FAM193A: variants seen among roughly 807,000 people sequenced by gnomAD.
The protein encoded by FAM193A is family with sequence similarity 193 member A.
FAM193A carries 22 observed loss-of-function variants against 126.5 expected under a neutral mutation model. The ratio of observed to expected loss-of-function variants is 0.17; its 90% CI spans 0.12 to 0.25. The LOEUF (loss-of-function observed/expected upper bound fraction) is 0.25, where lower values mean the gene tolerates loss of function less well. FAM193A is among the 10% of genes least tolerant of loss of function. The pLI, the probability that FAM193A is intolerant of heterozygous loss-of-function variation, is 1.00. For missense variants in FAM193A, 1,675 were observed against 1,672.8 expected (o/e 1.00, Z -0.02); for synonymous variants, 761 against 646.8 (o/e 1.18, Z -2.68).
chr4:2,623,351 T>C (rs1461085051), intron 2 of FAM193A, among the ~76,000 whole-genome samples: 5 of 152,138 alleles, frequency 3.3e-5, no homozygotes, highest in Non-Finnish European at 7.4e-5. Context: ...TGTGCTTTTT[T>C]AGTAGAGACA....
At chr4:2,683,168 CTT>C (rs1560563631) in intron 13 of FAM193A, among the ~76,000 whole-genome samples, 1 of 152,098 alleles carries the variant, frequency 6.6e-6, no homozygotes. Flanking sequence ...TCCCTCTGTC[CTT>C]GCTGGCATGG....
intron 1 of FAM193A, among the ~76,000 whole-genome samples, chr4:2,589,044 G>T (rs1209715703): frequency 2.0e-5 from 3 of 152,178 alleles, no homozygotes; most frequent in East Asian, 3.8e-4. Context: ...ACAGAGCAGG[G>T]ATATGAAACT....
At chr4:2,568,822 C>T (rs549455870) in intron 1 of FAM193A, among the ~76,000 whole-genome samples, 1 of 152,224 alleles carries the variant, frequency 6.6e-6, no homozygotes, top group South Asian at 2.1e-4. Context: ...ACTTCTGATT[C>T]TAGATTATAG....
chr4:2,552,421 G>A (rs1420591657), intron 1 of FAM193A, among the ~76,000 whole-genome samples: 2 of 152,116 alleles, frequency 1.3e-5, no homozygotes, highest in Admixed American at 1.3e-4. Context: ...AAAGTGCTGG[G>A]ATTATAGGCG....
At position 2,700,356 on chromosome 4, in the gene FAM193A, G is replaced by A. The variant is rs1397699672; in HGVS notation, c.4184G>A (p.Ser1395Asn). 2 of 1,613,954 alleles carry A rather than the reference G, an allele frequency of 1.2e-6. No individual in the cohort carries two copies. The highest frequency in any genetic ancestry group is 1.7e-6 in the Non-Finnish European group (2 of 1,180,024). ...EQKREERKVN[S>N]NNNNKKQLNH... ...AAAAGAGAGGAGAGAAAAGTCAACA[G>A]TAATAACAATAACAAAAAGCAGCTG... Residue 1395 changes from serine (S) to asparagine (N), a missense_variant, in exon 19 of 21, where the codon AGT becomes AAT. Coordinates refer to ENST00000637812, the MANE Select transcript of FAM193A (RefSeq NM_001366318.2).
chr4:2,571,587 C>T (rs1020483015), intron 1 of FAM193A, among the ~76,000 whole-genome samples: 2 of 151,834 alleles, frequency 1.3e-5, no homozygotes, highest in Non-Finnish European at 2.9e-5. Context: ...GTCCTCCAGG[C>T]TGGAGTGCAG....
intron 1 of FAM193A, among the ~76,000 whole-genome samples, chr4:2,578,666 A>G (rs1739744790): frequency 1.3e-5 from 2 of 152,304 alleles, no homozygotes; most frequent in South Asian, 4.1e-4. Context: ...CTTAACTACT[A>G]ATAGCCTACT....
chr4:2,625,198 AT>A, intron 2 of FAM193A, 63 bp from the exon 3 acceptor site: 1 of 624,354 alleles, frequency 1.6e-6, no homozygotes, highest in Non-Finnish European at 2.9e-6. Context: ...TGAACAGTTA[AT>A]AAAAAATTGA....
At chr4:2,693,309 C>T (rs1197295688) in intron 15 of FAM193A, among the ~76,000 whole-genome samples, 3 of 151,688 alleles carry the variant, frequency 2.0e-5, no homozygotes, top group Non-Finnish European at 2.9e-5. Flanking sequence ...TGAGCCACCA[C>T]GCCCGGCCAA....
At chr4:2,676,844 G>A (rs1714464475) in intron 13 of FAM193A, among the ~76,000 whole-genome samples, 1 of 152,088 alleles carries the variant, frequency 6.6e-6, no homozygotes, top group Admixed American at 6.5e-5. Flanking sequence ...GGGAGGCTGA[G>A]GCAGGAAAAT....
chr4:2,687,939 T>G (rs1405313033), intron 13 of FAM193A, among the ~76,000 whole-genome samples: 2 of 152,136 alleles, frequency 1.3e-5, no homozygotes, highest in Non-Finnish European at 2.9e-5. Flanking sequence ...CTTCCTGTCC[T>G]CCCTCTGCCC....
intron 1 of FAM193A, among the ~76,000 whole-genome samples, chr4:2,561,822 A>G (rs1397239272): frequency 6.6e-6 from 1 of 152,176 alleles, no homozygotes; most frequent in African/African-American, 2.4e-5. Context: ...AGAAACTCAA[A>G]TGGGTTATCA....
intron 20 of FAM193A, among the ~76,000 whole-genome samples, chr4:2,727,861 C>T (rs1720928513): frequency 6.6e-6 from 1 of 151,630 alleles, no homozygotes; most frequent in Admixed American, 6.6e-5. Flanking sequence ...CAGTTCAGGC[C>T]GAAGTGAAGT....
At chr4:2,638,791 A>C (rs143943808) in intron 5 of FAM193A, among the ~76,000 whole-genome samples, 3 of 152,320 alleles carry the variant, frequency 2.0e-5, no homozygotes, top group African/African-American at 7.2e-5. Flanking sequence ...ATAACAGTGA[A>C]ATCTTTGTGT....
intron 1 of FAM193A, among the ~76,000 whole-genome samples, chr4:2,577,151 T>TAA (rs1452722907): frequency 2.3e-5 from 3 of 129,704 alleles, no homozygotes; most frequent in Admixed American, 9.0e-5. Flanking sequence ...TTATTGTTAT[T>TAA]ACTACTTTTT....
chr4:2,653,831 A>G (rs1745911690), intron 7 of FAM193A, among the ~76,000 whole-genome samples: 2 of 152,218 alleles, frequency 1.3e-5, no homozygotes, highest in Admixed American at 1.3e-4. Context: ...GAGCCACTTT[A>G]GTAACATCCA....
chr4:2,571,969 G>A (rs1739317619), intron 1 of FAM193A, among the ~76,000 whole-genome samples: 1 of 151,244 alleles, frequency 6.6e-6, no homozygotes, highest in African/African-American at 2.4e-5. Flanking sequence ...ATCAAGACCA[G>A]CCTGGCCAAC....
chr4:2,731,261 T>C (rs1721358521), intron 20 of FAM193A, among the ~76,000 whole-genome samples: 2 of 149,612 alleles, frequency 1.3e-5, no homozygotes, highest in African/African-American at 2.5e-5. Context: ...CCTAGCTACT[T>C]GGGAGGCTGA....
intron 1 of FAM193A, among the ~76,000 whole-genome samples, chr4:2,592,520 A>C (rs987078445): frequency 3.9e-5 from 6 of 152,234 alleles, no homozygotes; most frequent in Non-Finnish European, 7.3e-5. Context: ...ACCAAGTAGT[A>C]GTTTTCCAAC....
Sources: gnomAD v4.1 joint callset for allele counts (sites outside exome capture counted in the v4.1 genomes callset) on GRCh38, gnomAD v4.1.1 for gene constraint, MANE v1.5 for transcripts, NCBI Gene and HGNC (gene_info 2026-07-23, HGNC 2026-07-21) for gene names.